POLR3G: variants seen among roughly 807,000 people sequenced by gnomAD.
POLR3G encodes RNA polymerase III subunit G, also known as DNA-directed RNA polymerase III subunit RPC7.
POLR3G carries 28 observed loss-of-function variants against 30.1 expected under a neutral mutation model. The ratio of observed to expected loss-of-function variants is 0.93; its 90% CI spans 0.69 to 1.27. The LOEUF is 1.27. Among genes scored for constraint, POLR3G ranks in the 50% most tolerant of loss-of-function variants. The probability of loss-of-function intolerance (pLI) is 0.00; values close to 1 mark genes in which losing one functional copy is unlikely to be tolerated. For synonymous variants in POLR3G, 79 were observed against 82.5 expected, an observed-to-expected ratio of 0.96 and a Z score of 0.23; for missense variants, 254 against 264.6, an observed-to-expected ratio of 0.96 and a Z score of 0.28.
rs201854972 is a variant in POLR3G, at chr5:90,514,450, A to G, written c.*2311A>G. 5 of 104,450 alleles carry G rather than the reference A, an allele frequency of 4.8e-5. No homozygotes were observed. In the East Asian group the frequency reaches 1.2e-3, roughly 26 times the overall value. The allele number at this position is 104,450 out of a possible 1,614,324, so 6.5% of individuals were successfully genotyped here. A position where few individuals can be genotyped will look rare whatever the true frequency, so the allele number is the denominator to read the frequency against. On this transcript the variant is annotated 3_prime_UTR_variant, in exon 8 of 8. Coordinates refer to ENST00000651687, the MANE Select transcript of POLR3G (RefSeq NM_006467.3). Reference sequence around the variant, plus strand: ...TTATTTTGAACTTATTTAAATGTTTATTTGTTAGAGAAAACTAATTTGTTA... The same window carrying G: ...TTATTTTGAACTTATTTAAATGTTTGTTTGTTAGAGAAAACTAATTTGTTA...
At chr5:90,485,215 T>C (rs1440304630) in intron 1 of POLR3G, among the ~76,000 whole-genome samples, 4 of 152,218 alleles carry the variant, frequency 2.6e-5, no homozygotes, top group Admixed American at 6.5e-5. Flanking sequence ...GGTCTTGTCT[T>C]GTGTCCACTT....
chr5:90,503,316 A>G (rs56905304), intron 6 of POLR3G, among the ~76,000 whole-genome samples: 35 of 152,280 alleles, frequency 2.3e-4, no homozygotes, highest in Middle Eastern at 3.4e-3. Context: ...TCATATTTTT[A>G]TTTTATTATT....
chr5:90,507,074 T>C (rs1752523001), intron 7 of POLR3G, among the ~76,000 whole-genome samples: 1 of 151,348 alleles, frequency 6.6e-6, no homozygotes, highest in South Asian at 2.1e-4. Flanking sequence ...CCAAAGTGCA[T>C]GTGGATACTA....
At chr5:90,494,657 T>C (rs1459845198) in intron 3 of POLR3G, among the ~76,000 whole-genome samples, 1 of 152,204 alleles carries the variant, frequency 6.6e-6, no homozygotes, top group Non-Finnish European at 1.5e-5. Context: ...GGACATCTTT[T>C]CATGCTTTTT....
intron 1 of POLR3G, among the ~76,000 whole-genome samples, chr5:90,483,672 G>A (rs1201897552): frequency 3.9e-5 from 6 of 152,030 alleles, no homozygotes; most frequent in Non-Finnish European, 1.5e-5. Flanking sequence ...GGTGGTGCGC[G>A]CCTATAATCC....
chr5:90,510,753 T>C (rs1295334297), intron 7 of POLR3G, among the ~76,000 whole-genome samples: 1 of 151,916 alleles, frequency 6.6e-6, no homozygotes, highest in Non-Finnish European at 1.5e-5. Flanking sequence ...AAACTTAAAG[T>C]ATCTAGGGAA....
At chr5:90,473,970 A>T (rs761240756), upstream of POLR3G, 1 of 1,600,030 alleles carries the variant, frequency 6.2e-7, no homozygotes, top group South Asian at 1.1e-5. Flanking sequence ...CCCGCGAGCC[A>T]GCGCCTCGGC....
rs2151917928 is a variant in POLR3G, at chr5:90,513,070, AAT to A, written c.*934_*935del. ...CTCAGGTCATTTTGAAATTAATATT[AAT>A]ATTTTTGTTGTTTAACTTTAAAGCT... On this transcript the variant is annotated 3_prime_UTR_variant, in exon 8 of 8. Coordinates refer to ENST00000651687, the MANE Select transcript of POLR3G (RefSeq NM_006467.3). The A allele has an allele frequency of 6.6e-6, 1 of 151,450 alleles. No individual in the cohort carries two copies. Among genetic ancestry groups the A allele is most frequent in the African/African-American group, 2.4e-5 (1 of 41,490 alleles). 9.4% of individuals were successfully genotyped at this position (151,450 alleles called of 1,614,324 possible). A position where few individuals can be genotyped will look rare whatever the true frequency, so the allele number is the denominator to read the frequency against.
intron 3 of POLR3G, among the ~76,000 whole-genome samples, chr5:90,492,860 C>CAA (rs59127797): frequency 2.3e-5 from 3 of 128,268 alleles, no homozygotes. Flanking sequence ...GACTCCGCCT[C>CAA]AAAAAAAAAA....
intron 1 of POLR3G, among the ~76,000 whole-genome samples, chr5:90,479,003 AG>A: frequency 8.2e-5 from 1 of 12,152 alleles, no homozygotes; most frequent in Non-Finnish European, 2.5e-4. Flanking sequence ...TCCCACTCAA[AG>A]AAAGGGGGAA....
intron 7 of POLR3G, among the ~76,000 whole-genome samples, chr5:90,507,321 T>C (rs1274535897): frequency 1.3e-5 from 2 of 152,218 alleles, no homozygotes; most frequent in East Asian, 3.9e-4. Flanking sequence ...GTGACCTTTG[T>C]CTTCATTCCA....
intron 6 of POLR3G, among the ~76,000 whole-genome samples, chr5:90,505,661 A>G (rs1024480183): frequency 6.6e-6 from 1 of 152,226 alleles, no homozygotes. Context: ...TTTCTTCTCA[A>G]TCTGCCAGAT....
Position 90,509,538 on chromosome 5 carries a change from A to G in POLR3G, c.586-2515A>G, listed in dbSNP as rs564688159. On this transcript the variant is annotated intron_variant, in intron 7 of 7. Transcript: ENST00000651687. ...GTAGTACCGGATGCTATAGCGGCAT[A>G]TAAGAGATGCTGTGGGCACACCAAA... Among the ~76,000 whole-genome samples the G allele has an allele frequency of 1.1e-4, 17 of 152,356 alleles. 1 individual carries two copies. The highest frequency in any genetic ancestry group is 2.6e-4 in the African/African-American group (11 of 41,580).
intron 3 of POLR3G, among the ~76,000 whole-genome samples, chr5:90,489,931 A>T (rs1751635311): frequency 6.6e-6 from 1 of 152,048 alleles, no homozygotes. Flanking sequence ...ACATGGGAAA[A>T]CCCTGTCTCT....
At chr5:90,474,103 G>T, upstream of POLR3G, 1 of 1,576,582 alleles carries the variant, frequency 6.3e-7, no homozygotes, top group East Asian at 2.3e-5. Context: ...TCTCGGTCCT[G>T]CAAGAGGCCG....
intron 6 of POLR3G, among the ~76,000 whole-genome samples, chr5:90,503,134 A>G (rs1752332536): frequency 1.3e-5 from 2 of 152,180 alleles, no homozygotes. Context: ...CACTTTATTG[A>G]AACTTATTCT....
intron 3 of POLR3G, 124 bp downstream of exon 3, chr5:90,488,253 G>A: frequency 1.3e-6 from 1 of 799,548 alleles, no homozygotes; most frequent in Admixed American, 3.4e-5. Context: ...CAACTACTTT[G>A]AAAAAGCTAT....
At chr5:90,502,248 C>T in intron 6 of POLR3G, 2 of 983,230 alleles carry the variant, frequency 2.0e-6, no homozygotes, top group South Asian at 4.7e-5. Context: ...ACTGTATCCC[C>T]CTTTCCGCTT....
intron 1 of POLR3G, among the ~76,000 whole-genome samples, chr5:90,481,115 C>G (rs1473808806): frequency 6.6e-6 from 1 of 152,098 alleles, no homozygotes; most frequent in Non-Finnish European, 1.5e-5. Flanking sequence ...TTGTATACCA[C>G]CATTTTGCAA....
Sources: allele counts gnomAD v4.1 joint callset (sites outside exome capture counted in the v4.1 genomes callset), GRCh38; gene constraint gnomAD v4.1.1; transcripts MANE v1.5; gene names NCBI Gene and HGNC (gene_info 2026-07-23, HGNC 2026-07-21).